The following COMMD1 variants were observed in gnomAD, a reference collection of about 807,000 sequenced individuals.
The protein encoded by COMMD1 is COMM domain-containing protein 1.
A neutral mutation model predicts 17.2 loss-of-function variants in COMMD1; 10 were observed. The observed-to-expected ratio is 0.58, with a 90% CI of 0.36 to 0.99. COMMD1 has a LOEUF of 0.99. Among genes scored for constraint, COMMD1 ranks in the 50% least tolerant of loss-of-function variants. COMMD1 has a pLI of 0.01. For missense variants in COMMD1, 270 were observed against 231.8 expected, an observed-to-expected ratio of 1.17 and a Z score of -1.07; for synonymous variants, 97 against 91.6, an observed-to-expected ratio of 1.06 and a Z score of -0.34.
rs59877732 is a variant in COMMD1 at position 61,890,826 on chromosome 2, C to CAA, written n.119+2005_119+2006dup. On this transcript the variant is annotated intron_variant and non_coding_transcript_variant, in intron 1 of 2. Transcript: ENST00000472729. ...TGGGTGATAGAGCAAGACTTTGTCT[C>CAA]AAAAAAAAAAAAAAAAAAAAAAGAA... is the stretch of plus-strand genomic sequence containing the variant. Among the ~76,000 whole-genome samples, 11 of 98,966 alleles carry CAA rather than the reference C, an allele frequency of 1.1e-4. No homozygotes were observed. The South Asian group carries it at 2.4e-3, about 22-fold the overall frequency. The allele number at this position is 98,966 out of a possible 152,430, so 64.9% of individuals were successfully genotyped here.
At chr2:62,020,498 C>G (rs1358466667) in intron 2 of COMMD1, among the ~76,000 whole-genome samples, 2 of 152,242 alleles carry the variant, frequency 1.3e-5, no homozygotes, top group South Asian at 2.1e-4. Context: ...CCAAGGCCCT[C>G]TTTTCATTTT....
In COMMD1 at chr2:61,895,600, A is replaced by G. The variant is rs906174164; in HGVS notation, n.119+6758A>G. Among the ~76,000 whole-genome samples, 13 of 152,202 alleles carry G rather than the reference A, an allele frequency of 8.5e-5. No homozygotes were observed. In the East Asian group the frequency reaches 9.6e-4, roughly 11 times the overall value. Reference sequence around the variant, plus strand: ...CAGCCCCAGCCCTCCTCTGAGAGCAATCCTGCCCGCAAAGAGACCCAGGGG... The same window carrying G: ...CAGCCCCAGCCCTCCTCTGAGAGCAGTCCTGCCCGCAAAGAGACCCAGGGG... On this transcript the variant is annotated intron_variant and non_coding_transcript_variant, in intron 1 of 2. Transcript: ENST00000472729.
intron 1 of COMMD1, among the ~76,000 whole-genome samples, chr2:61,967,140 C>G (rs979994326): frequency 6.6e-6 from 1 of 152,044 alleles, no homozygotes; most frequent in African/African-American, 2.4e-5. Flanking sequence ...AATATTTTAA[C>G]TTTCAAATGC....
intron 1 of COMMD1, among the ~76,000 whole-genome samples, chr2:61,964,733 C>T (rs1289700904): frequency 1.3e-5 from 2 of 152,142 alleles, no homozygotes; most frequent in Non-Finnish European, 2.9e-5. Flanking sequence ...TGAGGCTGGG[C>T]ATGGTGGCTC....
intron 1 of COMMD1, among the ~76,000 whole-genome samples, chr2:61,920,211 A>C (rs1259950309): frequency 6.6e-6 from 1 of 152,148 alleles, no homozygotes; most frequent in Non-Finnish European, 1.5e-5. Context: ...TTCAGCTGGT[A>C]GTAGGGCTAT....
intron 2 of COMMD1, among the ~76,000 whole-genome samples, chr2:62,048,699 T>A (rs1486966372): frequency 6.6e-6 from 1 of 152,082 alleles, no homozygotes; most frequent in Admixed American, 6.5e-5. Flanking sequence ...TTTTTTTTTT[T>A]AATTGATGTA....
chr2:61,905,925 C>G (rs887550605), intron 1 of COMMD1, 67 bp downstream of exon 1: 4 of 1,507,312 alleles, frequency 2.7e-6, no homozygotes, highest in Non-Finnish European at 3.7e-6. Flanking sequence ...CAGACTCTCC[C>G]CCCCTTGCCT....
chr2:61,975,856 C>T (rs1671787204), intron 1 of COMMD1, among the ~76,000 whole-genome samples: 1 of 152,012 alleles, frequency 6.6e-6, no homozygotes, highest in South Asian at 2.1e-4. Context: ...TATTCTTTTA[C>T]AATTGTTAAG....
intron 2 of COMMD1, among the ~76,000 whole-genome samples, chr2:62,015,719 T>G (rs2103842746): frequency 6.6e-6 from 1 of 151,712 alleles, no homozygotes; most frequent in Non-Finnish European, 1.5e-5. Flanking sequence ...TCTTTTTTTT[T>G]TTTGATAGTT....
intron 1 of COMMD1, among the ~76,000 whole-genome samples, chr2:61,988,386 G>A (rs11681566): frequency 0.018 from 2,744 of 152,196 alleles, 54 homozygotes; most frequent in African/African-American, 0.041. Context: ...GATGAATCCC[G>A]CCAGCAGTGG....
chr2:61,939,822 C>T (rs1670696251), intron 1 of COMMD1, among the ~76,000 whole-genome samples: 1 of 152,202 alleles, frequency 6.6e-6, no homozygotes, highest in South Asian at 2.1e-4. Context: ...CTGCCATTCA[C>T]AAGCCAAACA....
intron 1 of COMMD1, among the ~76,000 whole-genome samples, chr2:61,889,528 A>G (rs1669369951): frequency 6.6e-6 from 1 of 151,762 alleles, no homozygotes; most frequent in African/African-American, 2.4e-5. Flanking sequence ...CCCTCCTTTA[A>G]CTCCGGCTGG....
intron 2 of COMMD1, among the ~76,000 whole-genome samples, chr2:62,024,177 C>T (rs1053507266): frequency 3.9e-5 from 6 of 151,932 alleles, no homozygotes; most frequent in East Asian, 1.9e-4. Flanking sequence ...AAAGTGTTCA[C>T]GGTGATGAAA....
chr2:61,916,657 G>A (rs1670058981), intron 1 of COMMD1, among the ~76,000 whole-genome samples: 1 of 151,428 alleles, frequency 6.6e-6, no homozygotes, highest in African/African-American at 2.4e-5. Context: ...GAACTCCTGG[G>A]CTCAAGTGAT....
intron 2 of COMMD1, among the ~76,000 whole-genome samples, chr2:62,123,143 G>T (rs1672791735): frequency 1.3e-5 from 2 of 152,108 alleles, no homozygotes; most frequent in Non-Finnish European, 2.9e-5. Context: ...GGGATTGCTT[G>T]ACCCAAAGAA....
At chr2:62,070,778 C>G (rs866819168) in intron 2 of COMMD1, among the ~76,000 whole-genome samples, 2 of 152,082 alleles carry the variant, frequency 1.3e-5, no homozygotes, top group Non-Finnish European at 2.9e-5. Context: ...GCCTATAATC[C>G]CAGCACTTTG....
intron 1 of COMMD1, among the ~76,000 whole-genome samples, chr2:61,914,365 C>T (rs1428295073): frequency 1.3e-5 from 2 of 151,858 alleles, no homozygotes; most frequent in Non-Finnish European, 2.9e-5. Context: ...ATAGTGAAAC[C>T]TTGTCTCTAC....
At chr2:62,092,377 T>C (rs534601860) in intron 2 of COMMD1, among the ~76,000 whole-genome samples, 3 of 152,316 alleles carry the variant, frequency 2.0e-5, no homozygotes, top group East Asian at 3.9e-4. Flanking sequence ...TCTGCTTTCA[T>C]TGTAGCTCTA....
At chr2:62,101,228 A>G (rs553385396) in intron 2 of COMMD1, among the ~76,000 whole-genome samples, 2 of 152,208 alleles carry the variant, frequency 1.3e-5, no homozygotes, top group Admixed American at 1.3e-4. Flanking sequence ...CTGAATACCA[A>G]CTGGATGTTC....
Sources: allele counts gnomAD v4.1 joint callset (sites outside exome capture counted in the v4.1 genomes callset), GRCh38; gene constraint gnomAD v4.1.1; transcripts MANE v1.5; gene names NCBI Gene and HGNC (gene_info 2026-07-23, HGNC 2026-07-21).